The following SRRM4 variants were observed in gnomAD, a reference collection of about 807,000 sequenced individuals.
SRRM4 encodes the protein serine/arginine repetitive matrix 4, also known as serine/arginine repetitive matrix protein 4.
SRRM4 carries 33 observed loss-of-function variants against 68.9 expected under a neutral mutation model. The observed-to-expected ratio is 0.48, with a 90% CI of 0.36 to 0.64. The LOEUF is 0.64. Ranked by LOEUF, SRRM4 falls within the 30% of genes least tolerant of loss-of-function variation. SRRM4 has a pLI of 0.00. For synonymous variants in SRRM4, 318 were observed against 318.8 expected (o/e 1.00, Z 0.03); for missense variants, 817 against 827.1 (o/e 0.99, Z 0.15).
In SRRM4 at chr12:119,125,481, T is replaced by A; in HGVS notation, c.614+2T>A. ...CCGCCCCTCAAGCTGTGAGAGCAGG[T>A]AACCCCTTGCCCCAGGATCCTCTTC... On this transcript the variant is annotated splice_donor_variant, in intron 7 of 12. Coordinates refer to ENST00000267260, the MANE Select transcript of SRRM4 (RefSeq NM_194286.4). LOFTEE classifies it high-confidence loss of function. 1 of 1,577,962 alleles carries A rather than the reference T, an allele frequency of 6.3e-7. No individual in the cohort carries two copies. The highest frequency in any genetic ancestry group is 8.6e-7 in the Non-Finnish European group (1 of 1,161,508).
intron 1 of SRRM4, among the ~76,000 whole-genome samples, chr12:119,025,224 A>G (rs1050652871): frequency 1.3e-5 from 2 of 152,098 alleles, no homozygotes; most frequent in South Asian, 4.2e-4. Flanking sequence ...GTAGGGGGCA[A>G]TGGTATTGGG....
rs1049010428 is a variant in SRRM4, at chr12:119,024,633, C to A, written c.131+42620C>A. Among the ~76,000 whole-genome samples the A allele has an allele frequency of 2.0e-5, 3 of 152,226 alleles. No homozygotes were observed. In the South Asian group the frequency reaches 6.2e-4, roughly 32 times the overall value. ...TTTGATCTTTTAATCCAGGTTTCTC[C>A]AGAGCATGATTGATGTGCATTTAAA... On this transcript the variant is annotated intron_variant, in intron 1 of 12. Transcript: ENST00000267260.
Position 119,025,521 on chromosome 12 carries a change from C to T in SRRM4, c.131+43508C>T, listed in dbSNP as rs142972698. The stretch of plus-strand genomic sequence containing the variant: ...GGGCAATGGCATGATCTTGGCTCAC[C>T]GCAACCTCTGCCTCCCGGGTTCAAG... On this transcript the variant is annotated intron_variant, in intron 1 of 12. Transcript: ENST00000267260. 8.2e-3 allele frequency among the ~76,000 whole-genome samples: 1,253 copies of T among 152,078 alleles called. 22 individuals are homozygous for T. Among genetic ancestry groups the T allele is most frequent in the African/African-American group, 0.029 (1,183 of 41,474 alleles).
At chr12:119,021,309 G>C (rs1475371475) in intron 1 of SRRM4, among the ~76,000 whole-genome samples, 3 of 152,194 alleles carry the variant, frequency 2.0e-5, no homozygotes, top group African/African-American at 7.2e-5. Context: ...TGTCTCAGAA[G>C]AGATGAAACC....
chr12:119,117,526 G>A (rs1954188359), intron 4 of SRRM4, among the ~76,000 whole-genome samples: 1 of 152,108 alleles, frequency 6.6e-6, no homozygotes, highest in Admixed American at 6.5e-5. Context: ...TCCCATGCTG[G>A]TGCATGGGGA....
intron 1 of SRRM4, among the ~76,000 whole-genome samples, chr12:119,014,242 G>T (rs755762740): frequency 3.6e-4 from 55 of 152,004 alleles, no homozygotes; most frequent in Admixed American, 2.0e-3. Context: ...CATATTAAAG[G>T]AATTATTCTT....
chr12:119,097,224 C>G (rs896348605), intron 1 of SRRM4, among the ~76,000 whole-genome samples: 1 of 152,208 alleles, frequency 6.6e-6, no homozygotes, highest in African/African-American at 2.4e-5. Context: ...TGCAAAGATG[C>G]AAGGCTGGAG....
rs1363152572 is a variant in SRRM4 at position 119,127,185 on chromosome 12, T to A, written c.614+1706T>A. Among the ~76,000 whole-genome samples, 3 of 152,010 alleles carry A rather than the reference T, an allele frequency of 2.0e-5. No homozygotes were observed. In the South Asian group the frequency reaches 6.3e-4, roughly 32 times the overall value. ...GTAACTAACCTGCACATTGTATACATGTACCCTAAAACTTAAAGTATAATA... is the reference window on the plus strand; with the variant it reads ...GTAACTAACCTGCACATTGTATACAAGTACCCTAAAACTTAAAGTATAATA... On this transcript the variant is annotated intron_variant, in intron 7 of 12. Transcript: ENST00000267260.
intron 1 of SRRM4, among the ~76,000 whole-genome samples, chr12:119,084,929 T>G (rs1953970513): frequency 6.6e-6 from 1 of 152,196 alleles, no homozygotes; most frequent in Non-Finnish European, 1.5e-5. Flanking sequence ...GACAGAGTTT[T>G]GCTCTTTGTT....
At chr12:119,153,901 T>C (rs917128735) in intron 11 of SRRM4, among the ~76,000 whole-genome samples, 2 of 151,868 alleles carry the variant, frequency 1.3e-5, no homozygotes, top group Non-Finnish European at 2.9e-5. Context: ...CCTCAGCCTC[T>C]ACAGACCGTC....
At chr12:118,994,767 C>T (rs1020691031) in intron 1 of SRRM4, among the ~76,000 whole-genome samples, 9 of 152,186 alleles carry the variant, frequency 5.9e-5, no homozygotes, top group Non-Finnish European at 8.8e-5. Context: ...ATCCTTAACT[C>T]GAGTGGTTGC....
chr12:119,040,358 T>C (rs1953658847), intron 1 of SRRM4, among the ~76,000 whole-genome samples: 2 of 152,232 alleles, frequency 1.3e-5, no homozygotes, highest in South Asian at 4.1e-4. Flanking sequence ...CCTTCCACTC[T>C]TCCCCCCAAG....
chr12:119,116,988 C>T lies in SRRM4; in HGVS notation c.417C>T (p.Ser139=). 1 of 1,613,036 alleles carries T rather than the reference C, an allele frequency of 6.2e-7. No homozygotes were observed. Among genetic ancestry groups the T allele is most frequent in the Non-Finnish European group, 8.5e-7 (1 of 1,179,370 alleles). The part of the protein sequence containing the change: ...SPVKKKKKKS[S]KKHKRRRSFS... Reference sequence around the variant, plus strand: ...TCAAGAAAAAGAAGAAGAAAAGTTCCAAGAAACACAAGCGACGCAGGTATT... The same window carrying T: ...TCAAGAAAAAGAAGAAGAAAAGTTCTAAGAAACACAAGCGACGCAGGTATT... Residue 139 remains serine (S), a synonymous_variant, in exon 4 of 13, where the codon TCC becomes TCT. Coordinates refer to ENST00000267260, the MANE Select transcript of SRRM4 (RefSeq NM_194286.4).
At position 119,066,740 on chromosome 12, in the gene SRRM4, A is replaced by C. The variant is rs138891338; in HGVS notation, c.132-35496A>C. ...CCAGAAGCATTGCCTGGAGTTAGGA[A>C]GGGAACTTGTGCTGGAGAACGAGTT... On this transcript the variant is annotated intron_variant, in intron 1 of 12. Transcript: ENST00000267260. Among the ~76,000 whole-genome samples the C allele has an allele frequency of 2.1e-4, 32 of 152,320 alleles. 1 individual carries two copies. In the East Asian group the frequency reaches 5.8e-3, roughly 28 times the overall value.
intron 1 of SRRM4, among the ~76,000 whole-genome samples, chr12:119,004,334 G>A (rs1953403115): frequency 6.6e-6 from 1 of 151,940 alleles, no homozygotes; most frequent in African/African-American, 2.4e-5. Flanking sequence ...TTTTTCATAA[G>A]AACATCTGAT....
At chr12:119,040,041 A>G (rs539246011) in intron 1 of SRRM4, among the ~76,000 whole-genome samples, 1 of 152,156 alleles carries the variant, frequency 6.6e-6, no homozygotes, top group African/African-American at 2.4e-5. Flanking sequence ...TGTTAGTTAT[A>G]TGTAACTTTC....
Position 119,122,119 on chromosome 12 carries a change from C to A in SRRM4, c.514C>A (p.Gln172Lys). The A allele has an allele frequency of 6.2e-7, 1 of 1,606,386 alleles. No homozygotes were observed. The highest frequency in any genetic ancestry group is 8.5e-7 in the Non-Finnish European group (1 of 1,173,020). ...KRRDEKRHKK[Q>K]SRSRPRKSHR... Reference sequence around the variant, plus strand: ...AAGAGATGAGAAGAGGCACAAGAAACAGTAAGTAGATACTACCTGGAATGT... The same window carrying A: ...AAGAGATGAGAAGAGGCACAAGAAAAAGTAAGTAGATACTACCTGGAATGT... The change falls in exon 6 of 13, where the codon CAA (glutamine) becomes AAA (lysine). Residue 172 changes from glutamine (Q) to lysine (K), a missense_variant and splice_region_variant. Physicochemically the swap from Gln to Lys is moderately conservative, Grantham distance 53. Coordinates refer to ENST00000267260, the MANE Select transcript of SRRM4 (RefSeq NM_194286.4).
In SRRM4 at chr12:119,088,347, A is replaced by G. The variant is rs566562542; in HGVS notation, c.132-13889A>G. Among the ~76,000 whole-genome samples, 10 of 152,294 alleles carry G rather than the reference A, an allele frequency of 6.6e-5. No individual in the cohort carries two copies. The East Asian group carries it at 1.4e-3, about 21-fold the overall frequency. ...AAGGATTCCAGGCAAATTAAAAGTC[A>G]TGCACCCCCCTCAACGGTGATTGGG... On this transcript the variant is annotated intron_variant, in intron 1 of 12. Coordinates refer to ENST00000267260, the MANE Select transcript of SRRM4 (RefSeq NM_194286.4).
intron 1 of SRRM4, among the ~76,000 whole-genome samples, chr12:119,014,638 G>A (rs909882347): frequency 6.6e-6 from 1 of 152,158 alleles, no homozygotes; most frequent in Non-Finnish European, 1.5e-5. Context: ...GGTAGCATAT[G>A]GCCTACAGGA....
Sources: gnomAD v4.1 joint callset for allele counts (sites outside exome capture counted in the v4.1 genomes callset) on GRCh38, gnomAD v4.1.1 for gene constraint, MANE v1.5 for transcripts, NCBI Gene and HGNC (gene_info 2026-07-23, HGNC 2026-07-21) for gene names.